Variants in NCAPG2 observed in about 807,000 individuals in gnomAD.
NCAPG2 encodes non-SMC condensin II complex subunit G2.
In NCAPG2, 53 loss-of-function variants were observed where a neutral mutation model predicts 141.1. That is an observed-to-expected ratio of 0.38 (90% CI 0.30 to 0.47). NCAPG2 has a LOEUF of 0.47. Among genes scored for constraint, NCAPG2 ranks in the 20% least tolerant of loss-of-function variants. The pLI, the probability that NCAPG2 is intolerant of heterozygous loss-of-function variation, is 0.99. For missense variants in NCAPG2, 1,087 were observed against 1,389.0 expected, an observed-to-expected ratio of 0.78 and a Z score of 3.46; for synonymous variants, 499 against 490.7, an observed-to-expected ratio of 1.02 and a Z score of -0.22.
At chr7:158,637,217 G>A (rs867251634) in intron 27 of NCAPG2, among the ~76,000 whole-genome samples, 3 of 152,218 alleles carry the variant, frequency 2.0e-5, no homozygotes, top group African/African-American at 7.2e-5. Context: ...AAAGTGCTGA[G>A]AGGGTTTCTT....
chr7:158,655,068 CAT>C (rs1356187338), intron 21 of NCAPG2, 48 bp downstream of exon 21: 2 of 1,534,388 alleles, frequency 1.3e-6, no homozygotes, highest in Admixed American at 4.3e-5. Context: ...AATCCTGAAA[CAT>C]AACAAACTTG....
At chr7:158,651,455 G>C (rs1369351978) in intron 23 of NCAPG2, among the ~76,000 whole-genome samples, 2 of 152,062 alleles carry the variant, frequency 1.3e-5, no homozygotes, top group African/African-American at 4.8e-5. Context: ...GAAAAAGTAT[G>C]GCCAACAACC....
chr7:158,637,183 G>A lies in NCAPG2; in HGVS notation c.3381-5466C>T, dbSNP rs11981955. 5.3e-3 allele frequency among the ~76,000 whole-genome samples: 803 copies of A among 152,256 alleles called. 6 individuals carry two copies. Among genetic ancestry groups the A allele is most frequent in the African/African-American group, 0.017 (714 of 41,556 alleles). Reference sequence around the variant, plus strand: ...AGGATGGTCTCGATCTCCTGACCTCGTGATCCACCTGCCTTGGCCTCCCAA... The same window carrying A: ...AGGATGGTCTCGATCTCCTGACCTCATGATCCACCTGCCTTGGCCTCCCAA... On this transcript the variant is annotated intron_variant, in intron 27 of 27. Transcript: ENST00000356309.
Position 158,701,737 on chromosome 7 carries a change from T to G in NCAPG2, c.78+85A>C, listed in dbSNP as rs1835806763. 4.1e-6 allele frequency: 5 copies of G among 1,221,306 alleles called. No individual in the cohort carries two copies. The South Asian group carries it at 6.5e-5, about 16-fold the overall frequency. The allele number at this position is 1,221,306 out of a possible 1,614,324, so 75.7% of individuals were successfully genotyped here. A position where few individuals can be genotyped will look rare whatever the true frequency, so the allele number is the denominator to read the frequency against. ...CGCTAAGGATTCACTGAGATAACTA[T>G]GTTTCTTTTGGGGACATAATGACTT... On this transcript the variant is annotated intron_variant, in intron 2 of 27. Coordinates refer to ENST00000356309, the MANE Select transcript of NCAPG2 (RefSeq NM_017760.7).
At position 158,671,494 on chromosome 7, in the gene NCAPG2, A is replaced by G. The variant is rs770641993; in HGVS notation, c.1479+20T>C. On this transcript the variant is annotated intron_variant, in intron 13 of 27. Transcript: ENST00000356309. ...TGTCCCTATTTCATGTCATAAGTAA[A>G]AAAGCCCTATTCATCCTACCTTAGC... 8.1e-6 allele frequency: 13 copies of G among 1,613,754 alleles called. No individual in the cohort carries two copies. The highest frequency in any genetic ancestry group is 8.5e-6 in the Non-Finnish European group (10 of 1,179,896).
chr7:158,704,498 G>A (rs1319568047), intron 1 of NCAPG2, among the ~76,000 whole-genome samples: 1 of 152,194 alleles, frequency 6.6e-6, no homozygotes, highest in Non-Finnish European at 1.5e-5. Flanking sequence ...CCTCCGACAC[G>A]GACAAGAAGG....
intron 9 of NCAPG2, 133 bp downstream of exon 9, chr7:158,683,167 C>A: frequency 1.4e-6 from 1 of 699,482 alleles, no homozygotes; most frequent in Non-Finnish European, 2.2e-6. Flanking sequence ...TGCCAGACAT[C>A]AAATATCAAG....
chr7:158,677,525 C>CAAAAAAAAAAAAAAAAAAAAA, intron 11 of NCAPG2, among the ~76,000 whole-genome samples: 4 of 90,402 alleles, frequency 4.4e-5, no homozygotes, highest in African/African-American at 1.4e-4. Flanking sequence ...AAAAATAAAG[C>CAAAAAAAAAAAAAAAAAAAAA]AAAAAAAAAA....
At chr7:158,683,457 G>T in intron 8 of NCAPG2, 71 bp from the exon 9 acceptor site, 1 of 1,011,548 alleles carries the variant, frequency 9.9e-7, no homozygotes, top group Non-Finnish European at 1.4e-6. Flanking sequence ...AAGCAGTGCG[G>T]CATTTGAGTA....
chr7:158,637,866 G>A (rs1009862523), intron 27 of NCAPG2, among the ~76,000 whole-genome samples: 16 of 152,014 alleles, frequency 1.1e-4, no homozygotes, highest in Non-Finnish European at 2.1e-4. Flanking sequence ...ACACTTGGCT[G>A]GGCACGGTGG....
intron 13 of NCAPG2, among the ~76,000 whole-genome samples, chr7:158,669,188 G>A (rs1833512097): frequency 6.6e-6 from 1 of 152,080 alleles, no homozygotes; most frequent in African/African-American, 2.4e-5. Flanking sequence ...CATTTAGGTT[G>A]GTTCCATGTC....
chr7:158,644,421 T>G lies in NCAPG2; in HGVS notation c.3281-33A>C, dbSNP rs760700159. The G allele has an allele frequency of 3.9e-6, 6 of 1,547,816 alleles. No individual in the cohort carries two copies. In the Admixed American group the frequency reaches 1.0e-4, roughly 26 times the overall value. On this transcript the variant is annotated intron_variant, in intron 26 of 27. Coordinates refer to ENST00000356309, the MANE Select transcript of NCAPG2 (RefSeq NM_017760.7). ...AATTATATTAAAAGACAGAAAAGAC[T>G]TTAACATCACTACACAAAGACAAAC...
At chr7:158,635,307 T>C (rs1185800461) in intron 27 of NCAPG2, among the ~76,000 whole-genome samples, 3 of 152,166 alleles carry the variant, frequency 2.0e-5, no homozygotes, top group Non-Finnish European at 4.4e-5. Flanking sequence ...AATGAATTGA[T>C]ATTCATTTAT....
intron 6 of NCAPG2, among the ~76,000 whole-genome samples, chr7:158,688,374 GTC>G (rs201041572): frequency 0.013 from 1,960 of 152,292 alleles, 19 homozygotes; most frequent in Non-Finnish European, 0.02. Context: ...ATACATTTAT[GTC>G]TGTTATATAT....
At chr7:158,657,725 G>A (rs1832102728) in intron 17 of NCAPG2, among the ~76,000 whole-genome samples, 1 of 152,194 alleles carries the variant, frequency 6.6e-6, no homozygotes, top group Admixed American at 6.5e-5. Context: ...GGAAAGGTGG[G>A]GAAAAGATTG....
At chr7:158,701,607 T>G (rs192807470) in intron 2 of NCAPG2, among the ~76,000 whole-genome samples, 238 of 152,346 alleles carry the variant, frequency 1.6e-3, no homozygotes, top group African/African-American at 5.3e-3. Flanking sequence ...AACATCCCTC[T>G]TTGACTGGTT....
intron 6 of NCAPG2, among the ~76,000 whole-genome samples, chr7:158,688,916 T>A (rs1319650666): frequency 6.6e-6 from 1 of 152,170 alleles, no homozygotes; most frequent in Non-Finnish European, 1.5e-5. Flanking sequence ...CTCCTCTTCC[T>A]CTGAAGCCCT....
At chr7:158,632,254 G>A (rs561602871) in intron 27 of NCAPG2, among the ~76,000 whole-genome samples, 77 of 152,286 alleles carry the variant, frequency 5.1e-4, no homozygotes, top group Non-Finnish European at 5.3e-4. Context: ...CACCTAGGCC[G>A]CGGCTTTGGC....
chr7:158,637,272 T>G (rs1456515452), intron 27 of NCAPG2, among the ~76,000 whole-genome samples: 2 of 152,184 alleles, frequency 1.3e-5, no homozygotes, highest in East Asian at 3.9e-4. Flanking sequence ...AAAACTAGCA[T>G]AGTGGACACT....
Sources: gnomAD v4.1 joint callset for allele counts (sites outside exome capture counted in the v4.1 genomes callset) on GRCh38, gnomAD v4.1.1 for gene constraint, MANE v1.5 for transcripts, NCBI Gene and HGNC (gene_info 2026-07-23, HGNC 2026-07-21) for gene names.